The following WASHC2A variants were observed in gnomAD, a reference collection of about 807,000 sequenced individuals.
The protein encoded by WASHC2A is WASH complex subunit 2A, also known as WASH complex subunit FAM21A.
WASHC2A carries 82 observed loss-of-function variants against 140.3 expected under a neutral mutation model. That is an observed-to-expected ratio of 0.58 (90% CI 0.49 to 0.70). The LOEUF (loss-of-function observed/expected upper bound fraction) is 0.70, where lower values mean the gene tolerates loss of function less well. Among genes scored for constraint, WASHC2A ranks in the 30% least tolerant of loss-of-function variants. The pLI, the probability that WASHC2A is intolerant of heterozygous loss-of-function variation, is 0.00. For missense variants in WASHC2A, 985 were observed against 1,521.8 expected, an observed-to-expected ratio of 0.65 and a Z score of 5.87; for synonymous variants, 340 against 560.8, an observed-to-expected ratio of 0.61 and a Z score of 5.56.
chr10:50,127,373 C>T (rs1394800597), intron 27 of WASHC2A, 151 bp downstream of exon 27: 13 of 1,534,180 alleles, frequency 8.5e-6, no homozygotes, highest in African/African-American at 5.5e-5. Context: ...CTGTGTGCTG[C>T]GTCTTTAACA....
At chr10:50,087,668 T>A (rs1314349699) in intron 8 of WASHC2A, among the ~76,000 whole-genome samples, 15 of 152,106 alleles carry the variant, frequency 9.9e-5, no homozygotes, top group African/African-American at 3.6e-4. Context: ...GTAACATTAT[T>A]GAGTATTCAC....
intron 3 of WASHC2A, 99 bp downstream of exon 3, chr10:50,069,810 A>T: frequency 3.1e-6 from 4 of 1,281,566 alleles, no homozygotes; most frequent in Non-Finnish European, 4.2e-6. Context: ...TTTTGGTGGA[A>T]GTGTGGTTCT....
At position 50,095,928 on chromosome 10, in the gene WASHC2A, A is replaced by G. The variant is rs1246173296; in HGVS notation, c.1420+150A>G. On this transcript the variant is annotated intron_variant, in intron 15 of 30. Coordinates refer to ENST00000282633, the MANE Select transcript of WASHC2A (RefSeq NM_001005751.3). ...ATTGAGTTGTTGTGTCTGTACTTAC[A>G]TAGGTGTGGTGCCTGGGAGGTCTGT... 4.9e-6 allele frequency: 4 copies of G among 815,964 alleles called. No individual in the cohort carries two copies. The African/African-American group carries it at 6.0e-5, about 12-fold the overall frequency. 50.5% of individuals were successfully genotyped at this position (815,964 alleles called of 1,614,324 possible).
intron 14 of WASHC2A, 40 bp from the exon 15 acceptor site, chr10:50,095,559 C>G (rs547685262): frequency 5.3e-5 from 85 of 1,611,494 alleles, no homozygotes; most frequent in Non-Finnish European, 5.9e-5. Context: ...CCGGCCCACA[C>G]TGGCTCACAG....
chr10:50,088,990 A>T, intron 8 of WASHC2A, among the ~76,000 whole-genome samples: 1 of 120,952 alleles, frequency 8.3e-6, no homozygotes, highest in African/African-American at 3.2e-5. Context: ...TTTGAGACAG[A>T]GTCTCTCTCT....
At chr10:50,084,733 T>TTCTC (rs1839236464) in intron 6 of WASHC2A, among the ~76,000 whole-genome samples, 3 of 138,670 alleles carry the variant, frequency 2.2e-5, no homozygotes, top group Non-Finnish European at 3.1e-5. Flanking sequence ...CCGGCTGTTT[T>TTCTC]TCTTTCTTTC....
At chr10:50,075,815 T>C (rs1273999281) in intron 3 of WASHC2A, among the ~76,000 whole-genome samples, 1 of 152,206 alleles carries the variant, frequency 6.6e-6, no homozygotes, top group Non-Finnish European at 1.5e-5. Flanking sequence ...TAATGTCTTA[T>C]TAGGGCAAGT....
intron 28 of WASHC2A, among the ~76,000 whole-genome samples, chr10:50,128,210 C>A (rs1843614957): frequency 6.6e-6 from 1 of 151,812 alleles, no homozygotes; most frequent in Admixed American, 6.6e-5. Flanking sequence ...CCCATGTGTG[C>A]AGCTTCCTCA....
At chr10:50,079,537 C>T (rs1158861983) in intron 4 of WASHC2A, among the ~76,000 whole-genome samples, 43 of 152,280 alleles carry the variant, frequency 2.8e-4, no homozygotes, top group African/African-American at 9.4e-4. Flanking sequence ...GCTGGGACTA[C>T]AGGCGTGTGC....
At chr10:50,078,824 G>C (rs1217510584) in intron 4 of WASHC2A, 87 bp downstream of exon 4, 1 of 1,611,640 alleles carries the variant, frequency 6.2e-7, no homozygotes, top group Non-Finnish European at 8.5e-7. Context: ...CTGGGGGATG[G>C]TGGGCGGGGT....
At chr10:50,124,247 G>C (rs1192131651) in intron 23 of WASHC2A, among the ~76,000 whole-genome samples, 22 of 151,798 alleles carry the variant, frequency 1.4e-4, no homozygotes, top group Admixed American at 2.0e-4. Context: ...GGAACCACAG[G>C]CACACGCCAC....
rs1554883630 is a variant in WASHC2A, at chr10:50,093,424, G to A, written c.1122+38G>A. 4 of 1,083,980 alleles carry A rather than the reference G, an allele frequency of 3.7e-6. No individual in the cohort carries two copies. The South Asian group carries it at 5.7e-5, about 16-fold the overall frequency. 67.1% of individuals were successfully genotyped at this position (1,083,980 alleles called of 1,614,324 possible). A position where few individuals can be genotyped will look rare whatever the true frequency, so the allele number is the denominator to read the frequency against. ...CACCCAGCAACACTCCCTGCAGCTA[G>A]CTGTGTCAGGGGTCCACAGGGAAGA... On this transcript the variant is annotated intron_variant, in intron 12 of 30. Coordinates refer to ENST00000282633, the MANE Select transcript of WASHC2A (RefSeq NM_001005751.3).
chr10:50,099,097 A>C (rs1245126304), intron 16 of WASHC2A, among the ~76,000 whole-genome samples: 1 of 151,950 alleles, frequency 6.6e-6, no homozygotes, highest in African/African-American at 2.4e-5. Context: ...TGACTCAGTT[A>C]ATCTGTTAGC....
chr10:50,082,725 C>T (rs1265723445), intron 5 of WASHC2A, among the ~76,000 whole-genome samples: 18 of 146,388 alleles, frequency 1.2e-4, no homozygotes, highest in East Asian at 2.2e-4. Flanking sequence ...GTGATCCGCC[C>T]GCCTCGGCCT....
At chr10:50,127,071 T>C in intron 26 of WASHC2A, 89 bp from the exon 27 acceptor site, 2 of 1,414,832 alleles carry the variant, frequency 1.4e-6, no homozygotes, top group Admixed American at 1.7e-5. Flanking sequence ...GTGACAGTTT[T>C]GCTCCATCAC....
chr10:50,071,496 G>A (rs542381143), intron 3 of WASHC2A, among the ~76,000 whole-genome samples: 33 of 151,748 alleles, frequency 2.2e-4, no homozygotes, highest in African/African-American at 8.0e-4. Context: ...TAGAAGAGAC[G>A]GGGTTTCACC....
rs1227277134 is a variant in WASHC2A, at chr10:50,081,896, G to C, written c.528+965G>C. Among the ~76,000 whole-genome samples, 4 of 152,132 alleles carry C rather than the reference G, an allele frequency of 2.6e-5. No homozygotes were observed. The East Asian group carries it at 5.8e-4, about 22-fold the overall frequency. ...GATCCGCCTGCCTTGGCCTCCCAAA[G>C]TGCTGGGATTACAGACATGAGCCAC... On this transcript the variant is annotated intron_variant, in intron 5 of 30. Coordinates refer to ENST00000282633, the MANE Select transcript of WASHC2A (RefSeq NM_001005751.3).
Position 50,085,354 on chromosome 10 carries a change from A to G in WASHC2A, c.623-143A>G, listed in dbSNP as rs1281670769. 3 of 306,428 alleles carry G rather than the reference A, an allele frequency of 9.8e-6. No homozygotes were observed. In the East Asian group the frequency reaches 3.2e-4, roughly 32 times the overall value. The allele number at this position is 306,428 out of a possible 1,614,324, so 19.0% of individuals were successfully genotyped here. On this transcript the variant is annotated intron_variant, in intron 6 of 30. Coordinates refer to ENST00000282633, the MANE Select transcript of WASHC2A (RefSeq NM_001005751.3). ...CATAAATATGTAATTCCTCACCATA[A>G]TGACACTTTCAATTCCAGTAAGTGG... is the stretch of plus-strand genomic sequence containing the variant.
chr10:50,103,599 G>A (rs368593793), intron 17 of WASHC2A, among the ~76,000 whole-genome samples: 144,031 of 150,666 alleles, frequency 0.96, 69,190 homozygotes, highest in South Asian at 1. Context: ...CTTAGGGGAG[G>A]AGGGTGTTAC....
Sources: gnomAD v4.1 joint callset for allele counts (sites outside exome capture counted in the v4.1 genomes callset) on GRCh38, gnomAD v4.1.1 for gene constraint, MANE v1.5 for transcripts, NCBI Gene and HGNC (gene_info 2026-07-23, HGNC 2026-07-21) for gene names.